Variants in FNDC3A observed in about 807,000 individuals in gnomAD.
FNDC3A encodes fibronectin type-III domain-containing protein 3A.
In FNDC3A, 32 loss-of-function variants were observed where a neutral mutation model predicts 148.9. That is an observed-to-expected ratio of 0.21 (90% CI 0.16 to 0.29). FNDC3A has a LOEUF of 0.29. FNDC3A is among the 10% of genes least tolerant of loss of function. The pLI is 1.00. For missense variants in FNDC3A, 1,191 were observed against 1,452.8 expected (o/e 0.82, Z 2.93); for synonymous variants, 472 against 473.6 (o/e 1.00, Z 0.04).
chr13:49,197,683 C>T (rs1886219319), intron 20 of FNDC3A, 42 bp from the exon 21 acceptor site: 1 of 1,546,974 alleles, frequency 6.5e-7, no homozygotes, highest in Admixed American at 2.3e-5. Flanking sequence ...GCTATTTAAT[C>T]AACATCAAGA....
At chr13:49,013,859 G>C (rs553939415) in intron 2 of FNDC3A, among the ~76,000 whole-genome samples, 5 of 150,352 alleles carry the variant, frequency 3.3e-5, no homozygotes, top group Non-Finnish European at 7.4e-5. Context: ...TTGGTTTTTT[G>C]TTCTTGCAGT....
At chr13:48,995,258 C>T (rs1469037729) in intron 1 of FNDC3A, among the ~76,000 whole-genome samples, 3 of 150,436 alleles carry the variant, frequency 2.0e-5, no homozygotes, top group Non-Finnish European at 4.4e-5. Context: ...TCAGATATAT[C>T]TGACTTCTAA....
intron 8 of FNDC3A, among the ~76,000 whole-genome samples, chr13:49,160,652 T>C (rs1356111461): frequency 6.6e-6 from 1 of 151,710 alleles, no homozygotes; most frequent in Non-Finnish European, 1.5e-5. Flanking sequence ...TATTTCTTGT[T>C]TTCTGCTAGC....
At chr13:49,007,494 C>G (rs1201413887) in intron 2 of FNDC3A, among the ~76,000 whole-genome samples, 1 of 152,080 alleles carries the variant, frequency 6.6e-6, no homozygotes, top group Non-Finnish European at 1.5e-5. Context: ...TTTGTTGCCT[C>G]AGGCCAGTCA....
chr13:48,990,903 A>G (rs1206439029), intron 1 of FNDC3A, among the ~76,000 whole-genome samples: 1 of 152,068 alleles, frequency 6.6e-6, no homozygotes, highest in Non-Finnish European at 1.5e-5. Flanking sequence ...GGTATACAGT[A>G]ATAAGTAAAA....
chr13:49,106,897 A>G (rs898328898), intron 3 of FNDC3A, among the ~76,000 whole-genome samples: 5 of 152,188 alleles, frequency 3.3e-5, no homozygotes, highest in African/African-American at 9.6e-5. Flanking sequence ...AACTACAGCT[A>G]TATGAAACTA....
At chr13:49,118,753 G>A (rs1468497822) in intron 4 of FNDC3A, among the ~76,000 whole-genome samples, 2 of 152,210 alleles carry the variant, frequency 1.3e-5, no homozygotes, top group Admixed American at 6.5e-5. Flanking sequence ...CTGGAACTGG[G>A]CAGAGCCCAC....
intron 3 of FNDC3A, among the ~76,000 whole-genome samples, chr13:49,102,644 G>A (rs1251916485): frequency 6.6e-6 from 1 of 152,088 alleles, no homozygotes; most frequent in African/African-American, 2.4e-5. Context: ...GGACAATACA[G>A]GATGCTTGTA....
intron 1 of FNDC3A, among the ~76,000 whole-genome samples, chr13:48,989,843 C>T (rs1951878571): frequency 1.3e-5 from 2 of 151,998 alleles, no homozygotes. Flanking sequence ...CCTTCGCCTC[C>T]CAGGTTCAAG....
intron 3 of FNDC3A, among the ~76,000 whole-genome samples, chr13:49,096,733 C>G (rs550596867): frequency 2.0e-5 from 3 of 152,084 alleles, no homozygotes; most frequent in South Asian, 4.2e-4. Flanking sequence ...TGCCTCACAG[C>G]CTAGTACAAC....
At chr13:49,205,927 C>T (rs1187283024) in intron 25 of FNDC3A, among the ~76,000 whole-genome samples, 6 of 152,158 alleles carry the variant, frequency 3.9e-5, no homozygotes, top group East Asian at 1.9e-4. Context: ...GAGAGCAAAG[C>T]AATATGTAAA....
intron 2 of FNDC3A, among the ~76,000 whole-genome samples, chr13:49,013,884 G>C (rs1324799902): frequency 6.6e-6 from 1 of 151,476 alleles, no homozygotes; most frequent in Non-Finnish European, 1.5e-5. Context: ...TACTGAGAAT[G>C]ATGATTTCCA....
chr13:49,045,669 AAGAGAAAC>A (rs1566212085), intron 2 of FNDC3A: 2 of 1,106,268 alleles, frequency 1.8e-6, no homozygotes, highest in Non-Finnish European at 2.6e-6. Flanking sequence ...TAAAGCTCTG[AAGAGAAAC>A]AGAGAAACAA....
At position 49,198,422 on chromosome 13, in the gene FNDC3A, A is replaced by G. The variant is rs1299970204; in HGVS notation, c.2835A>G (p.Leu945=). 6.2e-7 allele frequency: 1 copy of G among 1,614,196 alleles called. No individual in the cohort carries two copies. Among genetic ancestry groups the G allele is most frequent in the South Asian group, 1.1e-5 (1 of 91,088 alleles). Residue 945 remains leucine, a synonymous_variant, in exon 23 of 26, where the codon TTA becomes TTG. Coordinates refer to ENST00000492622, the MANE Select transcript of FNDC3A (RefSeq NM_001079673.2). ...GAGPFSHMIK[L]KTKPLPPDPP... ...GTCCTTTCAGCCATATGATAAAATT[A>G]AAAACTAAGCCTCTCCCTCCTGATC...
chr13:49,121,664 A>G (rs1881353854), intron 4 of FNDC3A, among the ~76,000 whole-genome samples: 1 of 152,190 alleles, frequency 6.6e-6, no homozygotes, highest in African/African-American at 2.4e-5. Context: ...GATAAAGGGG[A>G]TATCACCACT....
intron 3 of FNDC3A, among the ~76,000 whole-genome samples, chr13:49,113,078 T>A (rs1880680958): frequency 7.2e-6 from 1 of 138,770 alleles, no homozygotes; most frequent in Non-Finnish European, 1.6e-5. Context: ...CTTTCTCCTA[T>A]TTCTCCACAT....
In FNDC3A at chr13:49,053,304, C is replaced by G. The variant is rs117809733; in HGVS notation, c.100-21985C>G. 8.4e-4 allele frequency among the ~76,000 whole-genome samples: 128 copies of G among 152,310 alleles called. 2 individuals carry two copies. The East Asian group carries it at 0.016, about 19-fold the overall frequency. Reference sequence around the variant, plus strand: ...AAGCAAAAGTTTATGACATGAGTCTCCACATACTGTTCTGTCTGAGTGGGA... The same window carrying G: ...AAGCAAAAGTTTATGACATGAGTCTGCACATACTGTTCTGTCTGAGTGGGA... On this transcript the variant is annotated intron_variant, in intron 2 of 25. Transcript: ENST00000492622.
intron 2 of FNDC3A, among the ~76,000 whole-genome samples, chr13:49,038,480 C>T (rs1212311059): frequency 6.6e-6 from 1 of 150,614 alleles, no homozygotes; most frequent in African/African-American, 2.4e-5. Context: ...GGAGAAGATG[C>T]CATCTACACG....
At chr13:49,042,097 A>G (rs1258705846) in intron 2 of FNDC3A, among the ~76,000 whole-genome samples, 1 of 152,142 alleles carries the variant, frequency 6.6e-6, no homozygotes, top group Non-Finnish European at 1.5e-5. Context: ...TGGGAGTAAA[A>G]AGGAGCCAGC....
Sources: gnomAD v4.1 joint callset for allele counts (sites outside exome capture counted in the v4.1 genomes callset) on GRCh38, gnomAD v4.1.1 for gene constraint, MANE v1.5 for transcripts, NCBI Gene and HGNC (gene_info 2026-07-23, HGNC 2026-07-21) for gene names.